Variants in MAST4 observed in about 807,000 individuals in gnomAD.
MAST4 encodes microtubule associated serine/threonine kinase family member 4, also known as microtubule-associated serine/threonine-protein kinase 4.
Under a neutral mutation model 162.7 loss-of-function variants are expected in MAST4, and 89 were observed. The ratio of observed to expected loss-of-function variants is 0.55; its 90% CI spans 0.46 to 0.65. The LOEUF is 0.65. Ranked by LOEUF, MAST4 falls within the 30% of genes least tolerant of loss-of-function variation. The probability of loss-of-function intolerance (pLI) is 0.00; values close to 1 mark genes in which losing one functional copy is unlikely to be tolerated. For missense variants in MAST4, 3,153 were observed against 3,374.0 expected, an observed-to-expected ratio of 0.93 and a Z score of 1.62; for synonymous variants, 1,479 against 1,361.1, an observed-to-expected ratio of 1.09 and a Z score of -1.91.
intron 5 of MAST4, among the ~76,000 whole-genome samples, chr5:67,080,370 G>T (rs985651518): frequency 3.4e-4 from 51 of 152,110 alleles, no homozygotes; most frequent in Non-Finnish European, 4.4e-5. Context: ...TCCCATCTCA[G>T]TTCGTCCCAG....
chr5:66,892,605 T>A (rs1762430722), intron 3 of MAST4, among the ~76,000 whole-genome samples: 1 of 152,224 alleles, frequency 6.6e-6, no homozygotes, highest in Middle Eastern at 3.2e-3. Flanking sequence ...GAAAAGTGCC[T>A]GTTTTCACCT....
chr5:66,812,991 G>A (rs1756549811), intron 3 of MAST4, among the ~76,000 whole-genome samples: 1 of 152,160 alleles, frequency 6.6e-6, no homozygotes, highest in African/African-American at 2.4e-5. Flanking sequence ...TGAAACACAT[G>A]GTTTCCAGCT....
chr5:67,113,149 TA>T (rs1766448259), intron 11 of MAST4, among the ~76,000 whole-genome samples: 4 of 151,342 alleles, frequency 2.6e-5, no homozygotes, highest in Admixed American at 2.6e-4. Flanking sequence ...CTGTCTCTAC[TA>T]AAAAATACAA....
At chr5:67,070,754 T>G (rs956053556) in intron 5 of MAST4, among the ~76,000 whole-genome samples, 1 of 152,184 alleles carries the variant, frequency 6.6e-6, no homozygotes, top group Non-Finnish European at 1.5e-5. Context: ...AGCTCATGGC[T>G]AGACCACAGA....
intron 1 of MAST4, among the ~76,000 whole-genome samples, chr5:66,684,315 G>C (rs6863239): frequency 0.76 from 115,070 of 152,180 alleles, 44,748 homozygotes; most frequent in African/African-American, 0.93. Flanking sequence ...ATCTATTGTA[G>C]AGTTGTTGGA....
intron 5 of MAST4, among the ~76,000 whole-genome samples, chr5:67,081,667 C>T (rs1182215833): frequency 6.6e-6 from 1 of 152,138 alleles, no homozygotes; most frequent in East Asian, 1.9e-4. Flanking sequence ...TAATATATCT[C>T]TGTAAGACAA....
intron 1 of MAST4, among the ~76,000 whole-genome samples, chr5:66,675,707 G>A (rs76733766): frequency 4.7e-4 from 71 of 152,182 alleles, no homozygotes; most frequent in African/African-American, 1.6e-3. Flanking sequence ...GTGCATTGAC[G>A]AAGAGAATTA....
Position 67,166,844 on chromosome 5 carries a change from C to T in MAST4, c.7665C>T (p.Ala2555=), listed in dbSNP as rs1304720980. The part of the protein sequence containing the change: ...SHRDRALSVT[A]TVGETKGKDP... ...GGGACAGGGCTCTCTCGGTGACTGC[C>T]ACCGTAGGGGAAACCAAAGGGAAGG... Residue 2555 remains alanine, a synonymous_variant, in exon 29 of 29, where the codon GCC becomes GCT. Coordinates refer to ENST00000403625, the MANE Select transcript of MAST4 (RefSeq NM_001164664.2). The T allele has an allele frequency of 6.2e-7, 1 of 1,604,974 alleles. No individual in the cohort carries two copies. Among genetic ancestry groups the T allele is most frequent in the Non-Finnish European group, 8.5e-7 (1 of 1,176,216 alleles).
intron 5 of MAST4, among the ~76,000 whole-genome samples, chr5:67,088,482 T>C (rs550874341): frequency 1.3e-5 from 2 of 152,364 alleles, no homozygotes; most frequent in South Asian, 4.1e-4. Flanking sequence ...GATTATTTCC[T>C]TTAGGAAACA....
intron 1 of MAST4, among the ~76,000 whole-genome samples, chr5:66,671,243 G>A (rs1747592707): frequency 6.6e-6 from 1 of 152,178 alleles, no homozygotes; most frequent in African/African-American, 2.4e-5. Flanking sequence ...AAGGGCTGGT[G>A]CAGTTGCTCT....
intron 1 of MAST4, among the ~76,000 whole-genome samples, chr5:66,688,161 G>T (rs1748813651): frequency 6.6e-6 from 1 of 152,142 alleles, no homozygotes; most frequent in Admixed American, 6.5e-5. Flanking sequence ...TTCCCAGTAG[G>T]TTCACAAGTC....
chr5:66,652,112 C>T (rs6891586), intron 1 of MAST4, among the ~76,000 whole-genome samples: 96,541 of 152,016 alleles, frequency 0.64, 31,350 homozygotes, highest in African/African-American at 0.75. Context: ...ACCATAATTA[C>T]ATTGTTGTAT....
intron 1 of MAST4, among the ~76,000 whole-genome samples, chr5:66,755,746 T>C (rs754099702): frequency 6.6e-6 from 1 of 152,248 alleles, no homozygotes; most frequent in Non-Finnish European, 1.5e-5. Context: ...AATTAACATA[T>C]GTATTACCTC....
At chr5:67,132,038 A>G in intron 16 of MAST4, 87 bp downstream of exon 16, 1 of 1,413,928 alleles carries the variant, frequency 7.1e-7, no homozygotes, top group Non-Finnish European at 9.6e-7. Context: ...TAGTCAATGT[A>G]CATTTTTAAA....
chr5:67,156,170 A>T (rs1772500290), intron 26 of MAST4, among the ~76,000 whole-genome samples: 1 of 152,162 alleles, frequency 6.6e-6, no homozygotes, highest in Non-Finnish European at 1.5e-5. Flanking sequence ...CATGTAATCC[A>T]AACAGTTACC....
intron 4 of MAST4, among the ~76,000 whole-genome samples, chr5:66,931,254 T>A (rs896218012): frequency 6.6e-6 from 1 of 152,206 alleles, no homozygotes; most frequent in Admixed American, 6.5e-5. Flanking sequence ...TGTTTATCCT[T>A]ATTTTTATGG....
At chr5:66,868,084 T>C (rs1561397385) in intron 3 of MAST4, among the ~76,000 whole-genome samples, 1 of 152,222 alleles carries the variant, frequency 6.6e-6, no homozygotes, top group Non-Finnish European at 1.5e-5. Context: ...ATCAGTTCCC[T>C]GTGATACCAC....
chr5:66,890,295 G>T (rs1762286977), intron 3 of MAST4, among the ~76,000 whole-genome samples: 1 of 152,106 alleles, frequency 6.6e-6, no homozygotes, highest in African/African-American at 2.4e-5. Context: ...GCAAAACCCT[G>T]CAGAGAAGCA....
At chr5:66,712,794 A>G (rs1362595767) in intron 1 of MAST4, among the ~76,000 whole-genome samples, 2 of 152,234 alleles carry the variant, frequency 1.3e-5, no homozygotes, top group South Asian at 4.1e-4. Flanking sequence ...TATTCACTCC[A>G]CAAAGACCTA....
Sources: gnomAD v4.1 joint callset for allele counts (sites outside exome capture counted in the v4.1 genomes callset) on GRCh38, gnomAD v4.1.1 for gene constraint, MANE v1.5 for transcripts, NCBI Gene and HGNC (gene_info 2026-07-23, HGNC 2026-07-21) for gene names.